The following EXOC4 variants were observed in gnomAD, a reference collection of about 807,000 sequenced individuals.
The protein encoded by EXOC4 is exocyst complex component 4, also known as SEC8-like 1.
EXOC4 carries 71 observed loss-of-function variants against 107.2 expected under a neutral mutation model. That is an observed-to-expected ratio of 0.66 (90% CI 0.55 to 0.81). The LOEUF (loss-of-function observed/expected upper bound fraction) is 0.81, where lower values mean the gene tolerates loss of function less well. Among genes scored for constraint, EXOC4 ranks in the 30% least tolerant of loss-of-function variants. The probability of loss-of-function intolerance (pLI) is 0.00; values close to 1 mark genes in which losing one functional copy is unlikely to be tolerated. For synonymous variants in EXOC4, 456 were observed against 441.2 expected (o/e 1.03, Z -0.42); for missense variants, 1,108 against 1,189.6 (o/e 0.93, Z 1.01).
At chr7:133,702,051 A>AGTACAGT (rs1794671451) in intron 10 of EXOC4, among the ~76,000 whole-genome samples, 1 of 124,254 alleles carries the variant, frequency 8.0e-6, no homozygotes, top group African/African-American at 3.2e-5. Flanking sequence ...CCCAGGCTGG[A>AGTACAGT]GTACAGTGTG....
chr7:133,822,744 C>T (rs1008524965), intron 11 of EXOC4, among the ~76,000 whole-genome samples: 3 of 152,220 alleles, frequency 2.0e-5, no homozygotes, highest in Admixed American at 6.5e-5. Context: ...TCTCTGTTCA[C>T]ACCAGCCCTC....
rs181717563 is a variant in EXOC4, at chr7:133,386,644, G to C, written c.1182+11642G>C. Among the ~76,000 whole-genome samples the C allele has an allele frequency of 1.1e-3, 172 of 152,302 alleles. 1 individual carries two copies. Among genetic ancestry groups the C allele is most frequent in the African/African-American group, 3.9e-3 (163 of 41,566 alleles). ...ACGTGTACCATAACGTGTATGCAAA[G>C]CTTAATTTAAAAACTGAGTGGAAGT... On this transcript the variant is annotated intron_variant, in intron 7 of 17. Coordinates refer to ENST00000253861, the MANE Select transcript of EXOC4 (RefSeq NM_021807.4).
At chr7:133,303,417 C>T (rs908171491) in intron 3 of EXOC4, among the ~76,000 whole-genome samples, 13 of 152,094 alleles carry the variant, frequency 8.5e-5, no homozygotes, top group South Asian at 6.2e-4. Flanking sequence ...CTGGGCAACA[C>T]GGCAAGACTC....
At chr7:134,099,059 G>A in the EXOC4 span, among the ~76,000 whole-genome samples, 5 of 152,020 alleles carry the variant, frequency 3.3e-5, no homozygotes, top group African/African-American at 7.2e-5. Context: ...TGTGTCCTCC[G>A]CCAAAATGCA....
the EXOC4 span, among the ~76,000 whole-genome samples, chr7:134,073,692 A>T: frequency 6.6e-6 from 1 of 151,942 alleles, no homozygotes; most frequent in Non-Finnish European, 1.5e-5. Context: ...TAAAAATCAA[A>T]TCTGGCTTGG....
intron 7 of EXOC4, among the ~76,000 whole-genome samples, chr7:133,433,360 A>G (rs1356023535): frequency 1.3e-5 from 2 of 152,206 alleles, no homozygotes; most frequent in Non-Finnish European, 2.9e-5. Context: ...CAAATATGCC[A>G]CTAGCAAAGG....
Position 133,544,661 on chromosome 7 carries a change from G to A in EXOC4, c.1417+64523G>A, listed in dbSNP as rs186407601. ...TTCTTTCCTCTATTCTTAATCTCTA[G>A]GACCATGTTAGTAAGTTTGTTAGAT... On this transcript the variant is annotated intron_variant, in intron 9 of 17. Transcript: ENST00000253861. 2.2e-3 allele frequency among the ~76,000 whole-genome samples: 333 copies of A among 151,956 alleles called. 2 individuals carry two copies. Among genetic ancestry groups the A allele is most frequent in the South Asian group, 0.012 (56 of 4,812 alleles).
Position 133,356,540 on chromosome 7 carries a change from G to C in EXOC4, c.974G>C (p.Arg325Pro), listed in dbSNP as rs369312406. Reference sequence around the variant, plus strand: ...CAGGTGGCAGACAGTGGCTATCAGCGGGGGGAGAACGTTACTGTGGAGAAC... The same window carrying C: ...CAGGTGGCAGACAGTGGCTATCAGCCGGGGGAGAACGTTACTGTGGAGAAC... Reference protein sequence around the residue: ...TTQVADSGYQRGENVTVENQP... With the variant: ...TTQVADSGYQPGENVTVENQP... The change falls in exon 6 of 18, where the codon CGG becomes CCG. Residue 325 changes from arginine to proline, a missense_variant. Arg to Pro is a moderately radical substitution (Grantham distance 103). Transcript: ENST00000253861. 6.2e-6 allele frequency: 10 copies of C among 1,613,868 alleles called. No individual in the cohort carries two copies. The African/African-American group carries it at 9.3e-5, about 15-fold the overall frequency.
At chr7:134,060,770 C>T (rs1176117704) in intron 17 of EXOC4, among the ~76,000 whole-genome samples, 1 of 152,116 alleles carries the variant, frequency 6.6e-6, no homozygotes, top group African/African-American at 2.4e-5. Flanking sequence ...TCCTGGGTAC[C>T]ATTCTGAAAG....
At chr7:133,773,217 C>T (rs1585134966) in intron 10 of EXOC4, among the ~76,000 whole-genome samples, 2 of 152,054 alleles carry the variant, frequency 1.3e-5, no homozygotes, top group South Asian at 2.1e-4. Flanking sequence ...GAGACATGCC[C>T]ACTCAAGCCA....
chr7:133,400,889 C>T (rs1016120041), intron 7 of EXOC4, among the ~76,000 whole-genome samples: 1 of 152,086 alleles, frequency 6.6e-6, no homozygotes, highest in East Asian at 1.9e-4. Flanking sequence ...TAAGAGAAGA[C>T]AGAATTTGAA....
chr7:133,307,930 A>G (rs1794789303), intron 4 of EXOC4, among the ~76,000 whole-genome samples: 2 of 152,232 alleles, frequency 1.3e-5, no homozygotes, highest in African/African-American at 4.8e-5. Context: ...GGTTGTATAC[A>G]GTAAGCGCAT....
intron 9 of EXOC4, among the ~76,000 whole-genome samples, chr7:133,536,794 A>G (rs1800278529): frequency 6.6e-6 from 1 of 152,050 alleles, no homozygotes; most frequent in Non-Finnish European, 1.5e-5. Context: ...CTCCTGGTCC[A>G]AGGTGGGTAC....
intron 7 of EXOC4, among the ~76,000 whole-genome samples, chr7:133,411,084 A>G (rs536141272): frequency 2.6e-5 from 4 of 152,270 alleles, no homozygotes; most frequent in South Asian, 2.1e-4. Flanking sequence ...TTAAGAGGCT[A>G]TAGTTACAGA....
chr7:134,017,276 C>CT (rs1308125332), intron 17 of EXOC4, among the ~76,000 whole-genome samples: 3 of 151,936 alleles, frequency 2.0e-5, no homozygotes, highest in African/African-American at 7.3e-5. Flanking sequence ...CAAAAAAATT[C>CT]TTTTTTTAAT....
At chr7:133,922,468 A>G (rs1212167061) in intron 13 of EXOC4, among the ~76,000 whole-genome samples, 1 of 152,154 alleles carries the variant, frequency 6.6e-6, no homozygotes, top group Non-Finnish European at 1.5e-5. Flanking sequence ...TGTGAGCAAG[A>G]TTCATCCATA....
intron 10 of EXOC4, among the ~76,000 whole-genome samples, chr7:133,789,009 C>T (rs538319684): frequency 6.6e-6 from 1 of 152,338 alleles, no homozygotes; most frequent in East Asian, 1.9e-4. Flanking sequence ...ACCATAATGT[C>T]TCATCTCCAT....
intron 17 of EXOC4, among the ~76,000 whole-genome samples, chr7:134,027,430 C>T (rs970942107): frequency 1.6e-4 from 24 of 152,012 alleles, no homozygotes; most frequent in Non-Finnish European, 7.4e-5. Context: ...GAGGCCGAGG[C>T]GGGCAGATCG....
intron 10 of EXOC4, among the ~76,000 whole-genome samples, chr7:133,724,607 ATTATT>A (rs1327379646): frequency 2.6e-5 from 4 of 152,180 alleles, no homozygotes; most frequent in African/African-American, 7.2e-5. Context: ...TATCATATCT[ATTATT>A]TTATTAATGA....
Sources: allele counts gnomAD v4.1 joint callset (sites outside exome capture counted in the v4.1 genomes callset), GRCh38; gene constraint gnomAD v4.1.1; transcripts MANE v1.5; gene names NCBI Gene and HGNC (gene_info 2026-07-23, HGNC 2026-07-21).